ATAD2B: variants seen among roughly 807,000 people sequenced by gnomAD.
ATAD2B encodes ATPase family AAA domain-containing protein 2B.
ATAD2B carries 40 observed loss-of-function variants against 167.6 expected under a neutral mutation model. The ratio of observed to expected loss-of-function variants is 0.24; its 90% CI spans 0.19 to 0.31. The LOEUF (loss-of-function observed/expected upper bound fraction) is 0.31, where lower values mean the gene tolerates loss of function less well. Ranked by LOEUF, ATAD2B falls within the 10% of genes least tolerant of loss-of-function variation. The pLI is 1.00. For missense variants in ATAD2B, 1,242 were observed against 1,757.2 expected, an observed-to-expected ratio of 0.71 and a Z score of 5.24; for synonymous variants, 579 against 596.5, an observed-to-expected ratio of 0.97 and a Z score of 0.43.
intron 8 of ATAD2B, chr2:23,872,264 A>G (rs1696105362): frequency 2.2e-6 from 1 of 461,844 alleles, no homozygotes; most frequent in Non-Finnish European, 4.2e-6. Flanking sequence ...AGCTAAGAGC[A>G]GGAAGCCACA....
At chr2:23,796,868 G>A (rs974458989) in intron 19 of ATAD2B, among the ~76,000 whole-genome samples, 2 of 152,194 alleles carry the variant, frequency 1.3e-5, no homozygotes, top group Non-Finnish European at 2.9e-5. Context: ...GCAATTATAC[G>A]TTCAAGTATT....
chr2:23,843,581 G>A (rs1219726598), intron 13 of ATAD2B, among the ~76,000 whole-genome samples: 1 of 152,192 alleles, frequency 6.6e-6, no homozygotes, highest in African/African-American at 2.4e-5. Context: ...GAGATTCCAG[G>A]GAGACCAAGA....
At chr2:23,772,478 G>C (rs1572689903) in intron 22 of ATAD2B, among the ~76,000 whole-genome samples, 1 of 151,984 alleles carries the variant, frequency 6.6e-6, no homozygotes, top group Non-Finnish European at 1.5e-5. Context: ...ACCTCGGCTT[G>C]AATGAAGAGA....
intron 22 of ATAD2B, among the ~76,000 whole-genome samples, chr2:23,778,147 T>C (rs1288497568): frequency 6.6e-6 from 1 of 152,050 alleles, no homozygotes; most frequent in East Asian, 1.9e-4. Context: ...AAGAGGTTGC[T>C]TGATGAAAGA....
chr2:23,704,768 CA>C, the ATAD2B span, among the ~76,000 whole-genome samples: 1 of 151,968 alleles, frequency 6.6e-6, no homozygotes, highest in Non-Finnish European at 1.5e-5. Context: ...CTCCGTCTCA[CA>C]AAAAAGAAGG....
At chr2:23,703,889 G>C in the ATAD2B span, 1 of 1,527,824 alleles carries the variant, frequency 6.5e-7, no homozygotes, top group Non-Finnish European at 8.8e-7. Flanking sequence ...GCCTTGACTA[G>C]GGCTGGGACG....
chr2:23,695,734 C>T, the ATAD2B span: 1 of 1,551,638 alleles, frequency 6.4e-7, no homozygotes, highest in Non-Finnish European at 8.7e-7. This position sits in a 1 kb window ranked among gnomAD's most constrained non-coding sequence, Gnocchi z 7.6. Flanking sequence ...CTGCCGGGAC[C>T]TGGTGAACGA....
At chr2:23,819,132 A>G (rs1355411733) in intron 17 of ATAD2B, among the ~76,000 whole-genome samples, 3 of 152,168 alleles carry the variant, frequency 2.0e-5, no homozygotes, top group African/African-American at 7.2e-5. Context: ...GTTGGGGCTC[A>G]TGAGTTGACT....
intron 1 of ATAD2B, among the ~76,000 whole-genome samples, chr2:23,899,431 C>T (rs2150393423): frequency 6.6e-6 from 1 of 151,950 alleles, no homozygotes; most frequent in East Asian, 1.9e-4. Flanking sequence ...TACACCATCA[C>T]TTATTAGGTT....
At chr2:23,791,929 T>C (rs563517942) in intron 19 of ATAD2B, among the ~76,000 whole-genome samples, 3 of 152,326 alleles carry the variant, frequency 2.0e-5, no homozygotes, top group South Asian at 2.1e-4. Context: ...ATGGCATTTA[T>C]ATATTTAAGA....
At chr2:23,694,676 A>G in the ATAD2B span, among the ~76,000 whole-genome samples, 1 of 152,278 alleles carries the variant, frequency 6.6e-6, no homozygotes, top group South Asian at 2.1e-4. Flanking sequence ...TAAACCCCAG[A>G]CAATTCTCCA....
At chr2:23,778,382 C>T (rs999057966) in intron 22 of ATAD2B, among the ~76,000 whole-genome samples, 2 of 152,160 alleles carry the variant, frequency 1.3e-5, no homozygotes, top group East Asian at 3.8e-4. Flanking sequence ...ATCTTCTCAA[C>T]TGGCTTTTTC....
intron 11 of ATAD2B, among the ~76,000 whole-genome samples, chr2:23,863,835 T>A (rs1694770544): frequency 1.3e-5 from 2 of 152,108 alleles, no homozygotes; most frequent in South Asian, 4.1e-4. Context: ...ATCTTTAGAA[T>A]AAATAATGTA....
At chr2:23,909,127 A>G in intron 1 of ATAD2B, among the ~76,000 whole-genome samples, 1 of 143,852 alleles carries the variant, frequency 7.0e-6, no homozygotes, top group Non-Finnish European at 1.5e-5. Flanking sequence ...AACTTAAAGT[A>G]TAATAATAAT....
At chr2:23,863,870 T>A (rs985738693) in intron 11 of ATAD2B, among the ~76,000 whole-genome samples, 1 of 152,214 alleles carries the variant, frequency 6.6e-6, no homozygotes, top group African/African-American at 2.4e-5. Flanking sequence ...GAATGATAGA[T>A]AGATTCAAAT....
At chr2:23,726,783 T>C in the ATAD2B span, among the ~76,000 whole-genome samples, 1,503 of 152,326 alleles carry the variant, frequency 9.9e-3, 14 homozygotes, top group Middle Eastern at 0.031. Flanking sequence ...AGTCCACTTA[T>C]ATGAAGGCGG....
intron 25 of ATAD2B, 41 bp downstream of exon 25, chr2:23,757,377 G>T: frequency 7.2e-7 from 1 of 1,385,618 alleles, no homozygotes; most frequent in South Asian, 1.6e-5. Flanking sequence ...ATTAACTCTG[G>T]AGTTTAAACC....
chr2:23,842,572 C>T (rs569402759), intron 13 of ATAD2B, among the ~76,000 whole-genome samples: 1 of 152,138 alleles, frequency 6.6e-6, no homozygotes, highest in African/African-American at 2.4e-5. Flanking sequence ...GGACTAACTG[C>T]AGTGAGGGGG....
At position 23,788,433 on chromosome 2, in the gene ATAD2B, G is replaced by A; in HGVS notation, c.2776+79C>T. On this transcript the variant is annotated intron_variant, in intron 20 of 27. Transcript: ENST00000238789. The stretch of plus-strand genomic sequence containing the variant: ...CTGTCCTCACTTCCAAGAAGAAAGG[G>A]CTAAAATAAACTGACTCCAAGAAAG... 2.0e-6 allele frequency: 3 copies of A among 1,470,042 alleles called. No individual in the cohort carries two copies. In the South Asian group the frequency reaches 3.8e-5, roughly 19 times the overall value. 91.1% of individuals were successfully genotyped at this position (1,470,042 alleles called of 1,614,324 possible). A position where few individuals can be genotyped will look rare whatever the true frequency, so the allele number is the denominator to read the frequency against.
Sources: allele counts gnomAD v4.1 joint callset (sites outside exome capture counted in the v4.1 genomes callset), GRCh38; gene constraint gnomAD v4.1.1; non-coding constraint Gnocchi (gnomAD v3.1); transcripts MANE v1.5; gene names NCBI Gene and HGNC (gene_info 2026-07-23, HGNC 2026-07-21).